The following CNTFR variants were observed in gnomAD, a reference collection of about 807,000 sequenced individuals.
CNTFR encodes the protein ciliary neurotrophic factor receptor, also known as ciliary neurotrophic factor receptor subunit alpha.
A neutral mutation model predicts 40.4 loss-of-function variants in CNTFR; 12 were observed. That is an observed-to-expected ratio of 0.30 (90% confidence interval 0.19 to 0.48). The LOEUF is 0.48. CNTFR is among the 20% of genes least tolerant of loss of function. The pLI, the probability that CNTFR is intolerant of heterozygous loss-of-function variation, is 0.99. For synonymous variants in CNTFR, 202 were observed against 209.6 expected, an observed-to-expected ratio of 0.96 and a Z score of 0.31; for missense variants, 414 against 506.8, an observed-to-expected ratio of 0.82 and a Z score of 1.76.
chr9:34,567,382 C>T (rs1444558280), intron 3 of CNTFR, among the ~76,000 whole-genome samples: 3 of 152,158 alleles, frequency 2.0e-5, no homozygotes, highest in Non-Finnish European at 4.4e-5. Flanking sequence ...TCCCCCCGGG[C>T]ATCCCAAAGC....
intron 2 of CNTFR, among the ~76,000 whole-genome samples, chr9:34,573,697 G>A (rs1826797591): frequency 6.6e-6 from 1 of 152,160 alleles, no homozygotes; most frequent in Admixed American, 6.5e-5. Flanking sequence ...CCACAGTGAG[G>A]GGAAAAGGCA....
In CNTFR at chr9:34,557,980, C is replaced by A; in HGVS notation, c.324G>T (p.Pro108=). 1 of 1,541,622 alleles carries A rather than the reference C, an allele frequency of 6.5e-7. No homozygotes were observed. The highest frequency in any genetic ancestry group is 8.7e-7 in the Non-Finnish European group (1 of 1,143,378). The change falls in exon 5 of 10, where the codon CCG becomes CCT. Residue 108 remains proline (P), a synonymous_variant. Coordinates refer to ENST00000378980, the MANE Select transcript of CNTFR (RefSeq NM_147164.3). This position sits in a 1 kb window ranked among gnomAD's most constrained non-coding sequence, Gnocchi z 4.2. ...GGCAGCTGAGCACAGGCTCCCGCGG[C>A]GGCACTGGGGGTGAGGACAGTATGG... is the stretch of plus-strand genomic sequence containing the variant. ...RHQVLLHVGL[P]PREPVLSCRS... is the part of the protein sequence containing the mutation.
At chr9:34,583,486 A>G (rs1827409536) in intron 1 of CNTFR, among the ~76,000 whole-genome samples, 2 of 152,054 alleles carry the variant, frequency 1.3e-5, no homozygotes, top group South Asian at 4.1e-4. Flanking sequence ...AGGGGTCCTC[A>G]CCCCATCATT....
rs555164402 is a variant in CNTFR at position 34,557,062 on chromosome 9, G to A, written c.604+464C>T. On this transcript the variant is annotated intron_variant, in intron 6 of 9. Transcript: ENST00000378980. This position sits in a 1 kb window ranked among gnomAD's most constrained non-coding sequence, Gnocchi z 4.2. The stretch of plus-strand genomic sequence containing the variant: ...GGAATAGCAGGCAGAGAGCCTGCCT[G>A]GAATAGGGCAGGGGCAGGTAGAGGG... 6.7e-6 allele frequency among the ~76,000 whole-genome samples: 1 copy of A among 149,668 alleles called. No homozygotes were observed. The highest frequency in any genetic ancestry group is 2.2e-4 in the South Asian group (1 of 4,598).
intron 2 of CNTFR, among the ~76,000 whole-genome samples, chr9:34,573,231 T>C (rs952680757): frequency 6.6e-6 from 1 of 152,184 alleles, no homozygotes; most frequent in Non-Finnish European, 1.5e-5. Flanking sequence ...GGAAAGCCTC[T>C]ATTTATCCCT....
At chr9:34,569,097 G>C (rs1826455653) in intron 2 of CNTFR, 116 bp from the exon 3 acceptor site, 1 of 956,788 alleles carries the variant, frequency 1.0e-6, no homozygotes, top group South Asian at 1.5e-5. Context: ...GGGCCCTGGA[G>C]AGGCCCTCAC....
At chr9:34,576,494 G>C (rs894707021) in intron 2 of CNTFR, among the ~76,000 whole-genome samples, 8 of 152,220 alleles carry the variant, frequency 5.3e-5, no homozygotes, top group African/African-American at 1.9e-4. Context: ...CAGCACCTCA[G>C]GTTGCCTAGC....
intron 2 of CNTFR, among the ~76,000 whole-genome samples, chr9:34,576,578 G>T (rs970479352): frequency 1.3e-5 from 2 of 152,208 alleles, no homozygotes; most frequent in African/African-American, 2.4e-5. Context: ...ATACTTCGTT[G>T]GTCCCTAAAA....
At chr9:34,572,406 AATCCCAT>A (rs1826706599) in intron 2 of CNTFR, among the ~76,000 whole-genome samples, 1 of 152,110 alleles carries the variant, frequency 6.6e-6, no homozygotes, top group Admixed American at 6.5e-5. Flanking sequence ...GTGCAGGATA[AATCCCAT>A]AGAGCCCCAG....
chr9:34,563,562 C>G (rs1826157650), intron 4 of CNTFR, among the ~76,000 whole-genome samples: 2 of 152,250 alleles, frequency 1.3e-5, no homozygotes, highest in South Asian at 4.1e-4. Context: ...ACCTGCCAAA[C>G]AAACTACTTG....
chr9:34,580,551 G>A (rs986500931), intron 2 of CNTFR, among the ~76,000 whole-genome samples: 7 of 152,210 alleles, frequency 4.6e-5, no homozygotes, highest in Admixed American at 6.5e-5. Context: ...CCTCTGGCGG[G>A]TTTTGGACAA....
At chr9:34,589,753 A>AC (rs1340681751), upstream of CNTFR, 4 of 144,652 alleles carry the variant, frequency 2.8e-5, no homozygotes, top group South Asian at 1.9e-4. The surrounding 1 kb of genome is among the most constrained non-coding windows in gnomAD (Gnocchi z 4.4). Context: ...GGCGGCTTTA[A>AC]CCCCCCCATC....
chr9:34,560,869 T>A (rs1250334636), intron 4 of CNTFR, among the ~76,000 whole-genome samples: 1 of 152,196 alleles, frequency 6.6e-6, no homozygotes, highest in Non-Finnish European at 1.5e-5. Context: ...TTCCTCCTAA[T>A]TGGCTTGTTT....
intron 3 of CNTFR, among the ~76,000 whole-genome samples, chr9:34,567,095 G>T (rs186216728): frequency 6.6e-6 from 1 of 152,294 alleles, no homozygotes; most frequent in East Asian, 1.9e-4. Flanking sequence ...TTAATCTTTT[G>T]TCTCTGGACA....
chr9:34,584,188 AG>A (rs1415137694), intron 1 of CNTFR, among the ~76,000 whole-genome samples: 1 of 152,200 alleles, frequency 6.6e-6, no homozygotes, highest in Non-Finnish European at 1.5e-5. Flanking sequence ...GTCTGACATC[AG>A]TTGTATCTCC....
At chr9:34,571,470 A>C (rs1290524151) in intron 2 of CNTFR, 1 of 152,322 alleles carries the variant, frequency 6.6e-6, no homozygotes, top group African/African-American at 2.4e-5. Flanking sequence ...GGGAGTGTTC[A>C]GGGAGAGGAG....
chr9:34,564,960 G>A, intron 3 of CNTFR, 128 bp from the exon 4 acceptor site: 1 of 734,730 alleles, frequency 1.4e-6, no homozygotes, highest in East Asian at 2.7e-5. Context: ...GTGTCTGTGT[G>A]AGTGTTTGGG....
intron 2 of CNTFR, among the ~76,000 whole-genome samples, chr9:34,579,276 A>T (rs1013919539): frequency 6.6e-6 from 1 of 151,514 alleles, no homozygotes; most frequent in African/African-American, 2.4e-5. Context: ...GCTTGGATCA[A>T]TCCGTCCGCC....
At position 34,581,039 on chromosome 9, in the gene CNTFR, C is replaced by T. The variant is rs192670349; in HGVS notation, c.-1+56G>A. 5 of 152,624 alleles carry T rather than the reference C, an allele frequency of 3.3e-5. No homozygotes were observed. In the East Asian group the frequency reaches 9.6e-4, roughly 29 times the overall value. 9.5% of individuals were successfully genotyped at this position (152,624 alleles called of 1,614,324 possible). A position where few individuals can be genotyped will look rare whatever the true frequency, so the allele number is the denominator to read the frequency against. On this transcript the variant is annotated intron_variant, in intron 2 of 9. Coordinates refer to ENST00000378980, the MANE Select transcript of CNTFR (RefSeq NM_147164.3). ...CATGTCCCCTAGACGTACAGCCCCA[C>T]TACACCTGCCTGATTCCCTGAGATT...
Sources: allele counts gnomAD v4.1 joint callset (sites outside exome capture counted in the v4.1 genomes callset), GRCh38; gene constraint gnomAD v4.1.1; non-coding constraint Gnocchi (gnomAD v3.1); transcripts MANE v1.5; gene names NCBI Gene and HGNC (gene_info 2026-07-23, HGNC 2026-07-21).